ANKAR: variants seen among roughly 807,000 people sequenced by gnomAD.
The protein encoded by ANKAR is ankyrin and armadillo repeat containing.
Under a neutral mutation model 146.2 loss-of-function variants are expected in ANKAR, and 136 were observed. The ratio of observed to expected loss-of-function variants is 0.93; its 90% confidence interval spans 0.81 to 1.07. The LOEUF (loss-of-function observed/expected upper bound fraction) is 1.07, where lower values mean the gene tolerates loss of function less well. Ranked by LOEUF, ANKAR falls within the 50% of genes least tolerant of loss-of-function variation. The pLI is 0.00. For synonymous variants in ANKAR, 500 were observed against 575.8 expected (o/e 0.87, Z 1.88); for missense variants, 1,567 against 1,679.9 (o/e 0.93, Z 1.18).
At chr2:189,698,512 T>C (rs1410229258) in intron 7 of ANKAR, among the ~76,000 whole-genome samples, 2 of 152,168 alleles carry the variant, frequency 1.3e-5, no homozygotes, top group East Asian at 3.8e-4. Flanking sequence ...ATGTTGGATA[T>C]GGAGAAAAAC....
At chr2:189,727,591 C>T (rs1052074071) in intron 12 of ANKAR, among the ~76,000 whole-genome samples, 1 of 149,850 alleles carries the variant, frequency 6.7e-6, no homozygotes, top group African/African-American at 2.5e-5. Context: ...AAAATGCAGG[C>T]TGTTGTTTTA....
At chr2:189,692,150 T>C in intron 3 of ANKAR, 105 bp from the exon 4 acceptor site, 1 of 951,736 alleles carries the variant, frequency 1.1e-6, no homozygotes, top group South Asian at 1.8e-5. Context: ...TAATTTCATC[T>C]GGAATTTTCT....
intron 10 of ANKAR, among the ~76,000 whole-genome samples, chr2:189,717,354 C>T (rs530605300): frequency 6.6e-6 from 1 of 152,264 alleles, no homozygotes; most frequent in East Asian, 1.9e-4. Context: ...CATCACTGGC[C>T]ATCAGAGAAA....
chr2:189,678,859 G>T (rs1403874611), intron 2 of ANKAR, among the ~76,000 whole-genome samples: 1 of 152,190 alleles, frequency 6.6e-6, no homozygotes, highest in Non-Finnish European at 1.5e-5. Flanking sequence ...CAGATAATGT[G>T]ATGCCTCCAG....
In ANKAR at chr2:189,728,536, C is replaced by G. The variant is rs1480371889; in HGVS notation, c.3031+116C>G. On this transcript the variant is annotated intron_variant, in intron 14 of 22. Coordinates refer to ENST00000684021, the MANE Select transcript of ANKAR (RefSeq NM_001378068.1). ...CACTGCAGCCTCAAACCCCTGGGCT[C>G]AAGTGATCCTCTTGCCTCAGCCTCC... 4.8e-6 allele frequency: 7 copies of G among 1,467,890 alleles called. No individual in the cohort carries two copies. In the East Asian group the frequency reaches 1.6e-4, roughly 34 times the overall value. The allele number at this position is 1,467,890 out of a possible 1,614,324, so 90.9% of individuals were successfully genotyped here. A position where few individuals can be genotyped will look rare whatever the true frequency, so the allele number is the denominator to read the frequency against.
rs1345663544 is a variant in ANKAR, at chr2:189,689,517, T to C, written c.602-10T>C. The C allele has an allele frequency of 1.3e-6, 2 of 1,538,608 alleles. No homozygotes were observed. The highest frequency in any genetic ancestry group is 2.6e-5 in the South Asian group (2 of 78,284). The stretch of plus-strand genomic sequence containing the variant: ...TTCACTATCTAAAATTTTCCTTTTT[T>C]ATCATGAAGGTTTGACTGATATTAC... On this transcript the variant is annotated splice_polypyrimidine_tract_variant and intron_variant, in intron 2 of 22. Coordinates refer to ENST00000684021, the MANE Select transcript of ANKAR (RefSeq NM_001378068.1).
chr2:189,760,877 T>C (rs571324994), intron 18 of ANKAR, among the ~76,000 whole-genome samples: 1 of 152,318 alleles, frequency 6.6e-6, no homozygotes, highest in South Asian at 2.1e-4. Context: ...CATTCCCACA[T>C]GACAACTGGC....
intron 15 of ANKAR, among the ~76,000 whole-genome samples, chr2:189,729,658 G>A (rs901777075): frequency 1.8e-4 from 20 of 110,568 alleles, no homozygotes; most frequent in South Asian, 3.3e-4. Context: ...AAATTTCTTC[G>A]CATTAGTTCA....
chr2:189,719,655 T>G lies in ANKAR; in HGVS notation c.2308T>G (p.Ser770Ala). ...AACTGTTGGGTTATTGAGTAATATC[T>G]CAACCCACAAAAGTGCAGTGCATGC... is the stretch of plus-strand genomic sequence containing the variant. ...CKTVGLLSNI[S>A]THKSAVHALV... The change falls in exon 11 of 23, where the codon TCA (serine) becomes GCA (alanine). Residue 770 changes from serine to alanine, a missense_variant. Ser to Ala is a moderately conservative substitution (Grantham distance 99, BLOSUM62 1). Coordinates refer to ENST00000684021, the MANE Select transcript of ANKAR (RefSeq NM_001378068.1). 2 of 1,614,146 alleles carry G rather than the reference T, an allele frequency of 1.2e-6. No homozygotes were observed. Among genetic ancestry groups the G allele is most frequent in the Non-Finnish European group, 1.7e-6 (2 of 1,180,012 alleles).
chr2:189,705,944 T>C (rs2038871159), intron 8 of ANKAR, among the ~76,000 whole-genome samples: 1 of 151,802 alleles, frequency 6.6e-6, no homozygotes, highest in Non-Finnish European at 1.5e-5. Flanking sequence ...GAGTAACCTT[T>C]CCACTATTAT....
intron 12 of ANKAR, among the ~76,000 whole-genome samples, chr2:189,726,616 T>C (rs1449372665): frequency 6.6e-6 from 1 of 152,056 alleles, no homozygotes. Flanking sequence ...TTCCAGATAA[T>C]AGAACACTAA....
chr2:189,747,589 A>G (rs772335352), downstream of ANKAR, among the ~76,000 whole-genome samples: 2 of 152,184 alleles, frequency 1.3e-5, no homozygotes, highest in African/African-American at 2.4e-5. Context: ...GAACCATATG[A>G]TGTCTTTGCT....
At chr2:189,714,251 A>C (rs567085733) in intron 10 of ANKAR, among the ~76,000 whole-genome samples, 8 of 152,314 alleles carry the variant, frequency 5.3e-5, no homozygotes, top group African/African-American at 1.7e-4. Flanking sequence ...TCAGCTCTGG[A>C]CCAAACAGAC....
At chr2:189,698,608 T>C (rs757224954) in intron 7 of ANKAR, among the ~76,000 whole-genome samples, 2 of 152,246 alleles carry the variant, frequency 1.3e-5, no homozygotes, top group South Asian at 2.1e-4. Flanking sequence ...GAAAGGCTTT[T>C]GTTTTAAAGA....
chr2:189,725,791 C>T (rs1398864392), intron 12 of ANKAR, among the ~76,000 whole-genome samples: 2 of 152,098 alleles, frequency 1.3e-5, no homozygotes, highest in African/African-American at 4.8e-5. Flanking sequence ...GCCTGTATTC[C>T]CAGCTACTTG....
chr2:189,738,674 T>A lies in ANKAR; in HGVS notation c.3692T>A (p.Val1231Asp). Residue 1231 changes from valine to aspartate, a missense_variant, in exon 19 of 23, where the codon GTC becomes GAC. Coordinates refer to ENST00000684021, the MANE Select transcript of ANKAR (RefSeq NM_001378068.1). ...SLYSVQTSTI[V>D]LTGNLIASLA... ...TATTCAGTTCAGACTTCTACTATTG[T>A]CTTGACAGGTAAGAAATGACTAGAA... 6.3e-7 allele frequency: 1 copy of A among 1,583,770 alleles called. No homozygotes were observed. Among genetic ancestry groups the A allele is most frequent in the East Asian group, 2.2e-5 (1 of 44,564 alleles).
downstream of ANKAR, chr2:189,761,646 C>T (rs1200534927): frequency 1.3e-6 from 2 of 1,557,202 alleles, no homozygotes; most frequent in African/African-American, 1.4e-5. Flanking sequence ...AGCATACTTA[C>T]TCTATAGATA....
chr2:189,737,961 G>A, intron 18 of ANKAR, 120 bp downstream of exon 18: 1 of 912,254 alleles, frequency 1.1e-6, no homozygotes, highest in South Asian at 2.0e-5. Flanking sequence ...TTAGTACTTT[G>A]CACATAAGCC....
In ANKAR at chr2:189,676,942, A is replaced by C; in HGVS notation, c.452A>C (p.Asp151Ala). The C allele has an allele frequency of 6.2e-7, 1 of 1,614,130 alleles. No individual in the cohort carries two copies. The change falls in exon 2 of 23, where the codon GAC (aspartate) becomes GCC (alanine). Residue 151 changes from aspartate (D) to alanine (A), a missense_variant. Physicochemically the swap from Asp to Ala is moderately radical, Grantham distance 126. Transcript: ENST00000684021. ...ATTGGGCAAATTCTGATCAATATTGACTACATGCTGAAAGCACTATGGCAT... is the reference window on the plus strand; with the variant it reads ...ATTGGGCAAATTCTGATCAATATTGCCTACATGCTGAAAGCACTATGGCAT... Reference protein sequence around the residue: ...TRIGQILINIDYMLKALWHGI... With the variant: ...TRIGQILINIAYMLKALWHGI...
Sources: allele counts gnomAD v4.1 joint callset (sites outside exome capture counted in the v4.1 genomes callset), GRCh38; gene constraint gnomAD v4.1.1; transcripts MANE v1.5; gene names NCBI Gene and HGNC (gene_info 2026-07-23, HGNC 2026-07-21).